Variants in ACAD9 observed in about 807,000 individuals in gnomAD.
ACAD9 encodes complex I assembly factor ACAD9, mitochondrial.
A neutral mutation model predicts 70.2 loss-of-function variants in ACAD9; 53 were observed. That is an observed-to-expected ratio of 0.75 (90% CI 0.61 to 0.95). ACAD9 has a LOEUF of 0.95. Ranked by LOEUF, ACAD9 falls within the 40% of genes least tolerant of loss-of-function variation. ACAD9 has a pLI of 0.00. For synonymous variants in ACAD9, 313 were observed against 312.1 expected (o/e 1.00, Z -0.03); for missense variants, 777 against 802.8 (o/e 0.97, Z 0.39).
chr3:128,908,795 G>A (rs971421365), intron 13 of ACAD9, among the ~76,000 whole-genome samples, 178 bp from the exon 14 acceptor site: 2 of 152,212 alleles, frequency 1.3e-5, no homozygotes, highest in Non-Finnish European at 2.9e-5. Context: ...GCTCCCCTGA[G>A]GAGACTGGCT....
chr3:128,904,604 TC>T, intron 11 of ACAD9, 99 bp downstream of exon 11: 1 of 1,526,498 alleles, frequency 6.6e-7, no homozygotes, highest in Non-Finnish European at 8.8e-7. Context: ...GTCATCTTCC[TC>T]CTGTCATTGA....
chr3:128,905,501 C>T lies in ACAD9; in HGVS notation c.1150-620C>T, dbSNP rs141603689. ...CTTACAGAAGCAAACATCCTGGTGT[C>T]GGCAGGAGAGTCTACCTAAAAGGTT... On this transcript the variant is annotated intron_variant, in intron 11 of 17. Coordinates refer to ENST00000308982, the MANE Select transcript of ACAD9 (RefSeq NM_014049.5). Among the ~76,000 whole-genome samples the T allele has an allele frequency of 1.9e-3, 289 of 152,192 alleles. 1 individual carries two copies. Among genetic ancestry groups the T allele is most frequent in the African/African-American group, 6.5e-3 (270 of 41,508 alleles).
chr3:128,904,093 A>G lies in ACAD9; in HGVS notation c.990A>G (p.Lys330=), dbSNP rs1476160319. 22 of 1,614,220 alleles carry G rather than the reference A, an allele frequency of 1.4e-5. No homozygotes were observed. The highest frequency in any genetic ancestry group is 1.9e-5 in the Non-Finnish European group (22 of 1,180,044). The change falls in exon 10 of 18, where the codon AAA becomes AAG. Residue 330 remains lysine (K), a synonymous_variant. Coordinates refer to ENST00000308982, the MANE Select transcript of ACAD9 (RefSeq NM_014049.5). ...EMTAEYACTR[K]QFNKRLSEFG... ...CTGCTGAGTACGCCTGCACAAGGAA[A>G]CAGTTTAACAAGAGGCTCAGTGAAT...
chr3:128,892,875 C>A lies in ACAD9; in HGVS notation c.245-680C>A, dbSNP rs150296588. 1.3e-4 allele frequency among the ~76,000 whole-genome samples: 19 copies of A among 151,836 alleles called. No homozygotes were observed. The East Asian group carries it at 3.7e-3, about 29-fold the overall frequency. On this transcript the variant is annotated intron_variant, in intron 2 of 17. Transcript: ENST00000308982. ...TCTCTCATTTCCTAGAAAATACCGGCCAAAAAAAGTATGAGGTCTATAAGG... is the reference window on the plus strand; with the variant it reads ...TCTCTCATTTCCTAGAAAATACCGGACAAAAAAAGTATGAGGTCTATAAGG...
At chr3:128,893,841 C>G (rs530734660) in intron 3 of ACAD9, among the ~76,000 whole-genome samples, 185 bp downstream of exon 3, 1 of 152,286 alleles carries the variant, frequency 6.6e-6, no homozygotes, top group South Asian at 2.1e-4. Flanking sequence ...CATCCTAGCA[C>G]AGAGGAATGA....
At chr3:128,911,442 C>CT (rs59553192) in intron 17 of ACAD9, among the ~76,000 whole-genome samples, 9 of 151,672 alleles carry the variant, frequency 5.9e-5, no homozygotes, top group African/African-American at 1.5e-4. Context: ...GCTGTATTCT[C>CT]TTTTTTTTGG....
intron 8 of ACAD9, among the ~76,000 whole-genome samples, chr3:128,901,833 C>A (rs1446977212): frequency 6.6e-6 from 1 of 152,190 alleles, no homozygotes; most frequent in Non-Finnish European, 1.5e-5. Flanking sequence ...CATTTCCTCA[C>A]CCCAAAAAGA....
Position 128,902,453 on chromosome 3 carries a change from G to A in ACAD9, c.883-100G>A, listed in dbSNP as rs549726650. 5.0e-6 allele frequency: 6 copies of A among 1,192,194 alleles called. No individual in the cohort carries two copies. The East Asian group carries it at 9.3e-5, about 19-fold the overall frequency. 73.9% of individuals were successfully genotyped at this position (1,192,194 alleles called of 1,614,324 possible). On this transcript the variant is annotated intron_variant, in intron 8 of 17. Coordinates refer to ENST00000308982, the MANE Select transcript of ACAD9 (RefSeq NM_014049.5). The surrounding 1 kb of genome is among the most constrained non-coding windows in gnomAD (Gnocchi z 4.0). ...GGCATTAGGATGGTGCTTTCTCCCAGCTTGAGGGAAGGCAAGCTGATCCAC... is the reference window on the plus strand; with the variant it reads ...GGCATTAGGATGGTGCTTTCTCCCAACTTGAGGGAAGGCAAGCTGATCCAC...
At chr3:128,883,778 C>T (rs571985216) in intron 1 of ACAD9, among the ~76,000 whole-genome samples, 2 of 152,114 alleles carry the variant, frequency 1.3e-5, no homozygotes, top group African/African-American at 4.8e-5. Context: ...TGGTCCTGGG[C>T]CCAGAGAGGA....
In ACAD9 at chr3:128,910,767, G is replaced by A. The variant is rs750123246; in HGVS notation, c.1719G>A (p.Val573=). 2.2e-5 allele frequency: 36 copies of A among 1,614,066 alleles called. No homozygotes were observed. Among genetic ancestry groups the A allele is most frequent in the Non-Finnish European group, 3.1e-5 (36 of 1,180,054 alleles). The change falls in exon 17 of 18, where the codon GTG becomes GTA. Residue 573 remains valine (V), a synonymous_variant. Coordinates refer to ENST00000308982, the MANE Select transcript of ACAD9 (RefSeq NM_014049.5). ...HEVLLANTFC[V]EAYLQNLFSL... ...TTCTCTTGGCCAACACCTTCTGCGT[G>A]GAAGCTTACTTGCAGAATCTCTTCA... is the stretch of plus-strand genomic sequence containing the variant.
intron 2 of ACAD9, among the ~76,000 whole-genome samples, chr3:128,886,616 G>A (rs972159062): frequency 1.3e-5 from 2 of 151,692 alleles, no homozygotes; most frequent in Non-Finnish European, 2.9e-5. Context: ...GCTGAGGCAG[G>A]AGAATCGCTG....
In ACAD9 at chr3:128,899,351, A is replaced by C. The variant is rs1935663692; in HGVS notation, c.698A>C (p.Asp233Ala). 6.2e-7 allele frequency: 1 copy of C among 1,614,164 alleles called. No homozygotes were observed. The highest frequency in any genetic ancestry group is 8.5e-7 in the Non-Finnish European group (1 of 1,180,058). ...FTVFAKTEVVDSDGSVKDKIT... is the reference protein window; with the variant it reads ...FTVFAKTEVVASDGSVKDKIT... The stretch of plus-strand genomic sequence containing the variant: ...GTGTTTGCAAAGACTGAGGTCGTTG[A>C]TTCTGATGGATCAGTGAAAGACAAA... The change falls in exon 7 of 18, where the codon GAT (aspartate) becomes GCT (alanine). Residue 233 changes from aspartate (D) to alanine (A), a missense_variant. Transcript: ENST00000308982.
rs1935814992 is a variant in ACAD9 at position 128,903,914 on chromosome 3, G to A, written c.959-148G>A. 4 of 786,252 alleles carry A rather than the reference G, an allele frequency of 5.1e-6. No individual in the cohort carries two copies. The East Asian group carries it at 8.1e-5, about 16-fold the overall frequency. 48.7% of individuals were successfully genotyped at this position (786,252 alleles called of 1,614,324 possible). A position where few individuals can be genotyped will look rare whatever the true frequency, so the allele number is the denominator to read the frequency against. The stretch of plus-strand genomic sequence containing the variant: ...TCTGACCCACGGGTGCTGGCAAGTG[G>A]GGGTGCCAGCTTCTGGGGTATTTGA... On this transcript the variant is annotated intron_variant, in intron 9 of 17. Transcript: ENST00000308982.
Position 128,908,300 on chromosome 3 carries a change from C to A in ACAD9, c.1358+36C>A, listed in dbSNP as rs760244112. ...TTGTCACCGTGTGCTTCTCAGGTCC[C>A]ATACCTGCCCAGCAGGGGCCAGTCC... On this transcript the variant is annotated intron_variant, in intron 13 of 17. Coordinates refer to ENST00000308982, the MANE Select transcript of ACAD9 (RefSeq NM_014049.5). 16 of 1,610,620 alleles carry A rather than the reference C, an allele frequency of 9.9e-6. No individual in the cohort carries two copies. In the South Asian group the frequency reaches 1.5e-4, roughly 15 times the overall value.
chr3:128,901,616 T>C (rs1659077493), intron 8 of ACAD9, among the ~76,000 whole-genome samples: 2 of 152,216 alleles, frequency 1.3e-5, no homozygotes, highest in South Asian at 4.1e-4. Context: ...CTGCAGTGGG[T>C]ATGAGAAAGC....
chr3:128,895,242 A>AC, intron 3 of ACAD9, 68 bp from the exon 4 acceptor site: 1 of 1,205,424 alleles, frequency 8.3e-7, no homozygotes, highest in South Asian at 1.4e-5. Context: ...GAAAAAAAAA[A>AC]GCCAATGAAG....
intron 5 of ACAD9, 47 bp downstream of exon 5, chr3:128,896,583 C>T (rs1249156034): frequency 6.3e-7 from 1 of 1,590,894 alleles, no homozygotes. Context: ...GTGATGTTGC[C>T]CAAGATTCAC....
rs1935937497 is a variant in ACAD9, at chr3:128,907,819, C to T, written c.1279-366C>T. Among the ~76,000 whole-genome samples the T allele has an allele frequency of 3.3e-5, 5 of 152,236 alleles. No individual in the cohort carries two copies. The South Asian group carries it at 1.0e-3, about 31-fold the overall frequency. On this transcript the variant is annotated intron_variant, in intron 12 of 17. Coordinates refer to ENST00000308982, the MANE Select transcript of ACAD9 (RefSeq NM_014049.5). ...CTTCCGTGAGGAATCTGGCCTCCACCTGGAGCCAGCAATGTCTGTCTGGCA... is the reference window on the plus strand; with the variant it reads ...CTTCCGTGAGGAATCTGGCCTCCACTTGGAGCCAGCAATGTCTGTCTGGCA...
chr3:128,887,647 AT>A (rs371336629), intron 2 of ACAD9, among the ~76,000 whole-genome samples: 59,447 of 140,938 alleles, frequency 0.42, 14,648 homozygotes, highest in African/African-American at 0.68. Flanking sequence ...ATAAATAAAT[AT>A]ATATATATAT....
Sources: allele counts gnomAD v4.1 joint callset (sites outside exome capture counted in the v4.1 genomes callset), GRCh38; gene constraint gnomAD v4.1.1; non-coding constraint Gnocchi (gnomAD v3.1); transcripts MANE v1.5; gene names NCBI Gene and HGNC (gene_info 2026-07-23, HGNC 2026-07-21).